The following ERICH1 variants were observed in gnomAD, a reference collection of about 807,000 sequenced individuals.
ERICH1 encodes glutamate-rich protein 1.
A neutral mutation model predicts 39.6 loss-of-function variants in ERICH1; 56 were observed. The ratio of observed to expected loss-of-function variants is 1.41; its 90% confidence interval spans 1.14 to 1.77. The LOEUF is 1.77. ERICH1 is among the 40% of genes most tolerant of loss of function. The pLI, the probability that ERICH1 is intolerant of heterozygous loss-of-function variation, is 0.00. For synonymous variants in ERICH1, 313 were observed against 223.6 expected (o/e 1.40, Z -3.57); for missense variants, 826 against 575.4 (o/e 1.44, Z -4.45).
At chr8:705,811 G>A (rs960108367) in intron 2 of ERICH1, among the ~76,000 whole-genome samples, 3 of 152,212 alleles carry the variant, frequency 2.0e-5, no homozygotes, top group Non-Finnish European at 4.4e-5. Flanking sequence ...CTTGCACAGT[G>A]ATGTACCACA....
intron 4 of ERICH1, among the ~76,000 whole-genome samples, chr8:669,659 G>A (rs1284422057): frequency 6.6e-6 from 1 of 152,334 alleles, no homozygotes; most frequent in South Asian, 2.1e-4. Context: ...ACGACTCAGG[G>A]CTACGAACAG....
At chr8:633,319 G>A (rs763957128) in intron 3 of ERICH1, among the ~76,000 whole-genome samples, 5 of 152,146 alleles carry the variant, frequency 3.3e-5, no homozygotes, top group African/African-American at 2.4e-5. Context: ...AAATGAACAC[G>A]TCCGTCAGGG....
chr8:637,027 C>G (rs567161353), intron 3 of ERICH1, among the ~76,000 whole-genome samples: 2 of 152,348 alleles, frequency 1.3e-5, no homozygotes, highest in East Asian at 3.9e-4. Context: ...CCGAAGGCGT[C>G]CAAACCAGCT....
At chr8:661,937 G>GCAGGGATTCTGTGGAACCTA (rs576441571), downstream of ERICH1, among the ~76,000 whole-genome samples, 1 of 152,064 alleles carries the variant, frequency 6.6e-6, no homozygotes, top group Non-Finnish European at 1.5e-5. Flanking sequence ...CCCCGCAGTG[G>GCAGGGATTCTGTGGAACCTA]CAGGGATTCT....
chr8:674,783 G>A (rs770467775), intron 3 of ERICH1, among the ~76,000 whole-genome samples: 4 of 152,230 alleles, frequency 2.6e-5, no homozygotes, highest in Non-Finnish European at 5.9e-5. Flanking sequence ...GTCAGCATCA[G>A]GTTGCGTTTT....
chr8:668,525 T>G, intron 5 of ERICH1, 73 bp downstream of exon 5: 3 of 1,535,598 alleles, frequency 2.0e-6, no homozygotes, highest in Non-Finnish European at 2.7e-6. Context: ...TTTGGTGGCG[T>G]GTAAGTCTTT....
intron 3 of ERICH1, among the ~76,000 whole-genome samples, chr8:655,489 G>T (rs1294388874): frequency 6.6e-6 from 1 of 152,214 alleles, no homozygotes; most frequent in Non-Finnish European, 1.5e-5. Context: ...TGGTGCACCA[G>T]CACCTGCCCT....
At chr8:617,025 A>C (rs56143140) in intron 3 of ERICH1, among the ~76,000 whole-genome samples, 95,827 of 121,188 alleles carry the variant, frequency 0.79, 39,850 homozygotes, top group East Asian at 0.99. Flanking sequence ...AGGAAGAAAA[A>C]CGATTCAGGA....
intron 5 of ERICH1, chr8:666,665 T>C (rs1669615): frequency 0.91 from 138,205 of 152,634 alleles, 62,680 homozygotes; most frequent in South Asian, 0.95. Context: ...CTCCGGGCCT[T>C]ATGGCCCTCT....
At chr8:653,817 G>A (rs1800274172) in intron 3 of ERICH1, among the ~76,000 whole-genome samples, 1 of 151,644 alleles carries the variant, frequency 6.6e-6, no homozygotes, top group Admixed American at 6.6e-5. Flanking sequence ...CTCCGGAGGG[G>A]TTGGAGCCAC....
At chr8:698,914 T>G (rs1811018995) in intron 2 of ERICH1, among the ~76,000 whole-genome samples, 1 of 151,754 alleles carries the variant, frequency 6.6e-6, no homozygotes, top group South Asian at 2.1e-4. Flanking sequence ...TTTTTTTTTT[T>G]TTTAACCAGG....
chr8:682,797 T>G (rs1278878948), intron 3 of ERICH1, among the ~76,000 whole-genome samples: 2 of 152,232 alleles, frequency 1.3e-5, no homozygotes, highest in Non-Finnish European at 2.9e-5. Context: ...TTCTCACAGC[T>G]GCACCTTCTT....
intron 2 of ERICH1, among the ~76,000 whole-genome samples, chr8:699,210 G>A (rs1236311476): frequency 1.3e-5 from 2 of 152,104 alleles, no homozygotes; most frequent in African/African-American, 4.8e-5. Context: ...GATACGAGAT[G>A]TGTAAGGCTG....
At chr8:630,889 A>G (rs1413337791) in intron 3 of ERICH1, among the ~76,000 whole-genome samples, 1 of 144,728 alleles carries the variant, frequency 6.9e-6, no homozygotes, top group Non-Finnish European at 1.5e-5. Flanking sequence ...GTGACCACCC[A>G]CAGACAGAGC....
At chr8:663,549 G>A (rs77589897), downstream of ERICH1, among the ~76,000 whole-genome samples, 2 of 93,180 alleles carry the variant, frequency 2.1e-5, no homozygotes, top group Middle Eastern at 6.0e-3. Context: ...CAGGACAGGC[G>A]GGACAGGGCA....
chr8:692,830 C>A (rs778359160), intron 2 of ERICH1, among the ~76,000 whole-genome samples: 1 of 152,228 alleles, frequency 6.6e-6, no homozygotes, highest in Non-Finnish European at 1.5e-5. Flanking sequence ...GAAAAAGGAA[C>A]TGCCCATGAT....
At chr8:667,050 G>A (rs1802365111) in intron 5 of ERICH1, 1 of 152,894 alleles carries the variant, frequency 6.5e-6, no homozygotes, top group Admixed American at 6.5e-5. Context: ...CCCCAGACTG[G>A]TCTCCATTCT....
In ERICH1 at chr8:673,834, C is replaced by T; in HGVS notation, c.518G>A (p.Arg173Lys). The T allele has an allele frequency of 6.2e-7, 1 of 1,614,112 alleles. No individual in the cohort carries two copies. Among genetic ancestry groups the T allele is most frequent in the South Asian group, 1.1e-5 (1 of 91,088 alleles). Residue 173 changes from arginine to lysine, a missense_variant, in exon 4 of 6, where the codon AGG becomes AAG. Coordinates refer to ENST00000262109, the MANE Select transcript of ERICH1 (RefSeq NM_207332.3). ...RKLKKKQQIK[R>K]KKAAGLAAKA... is the part of the protein sequence containing the mutation. Reference sequence around the variant, plus strand: ...TGCTGCCAAGCCGGCTGCTTTCTTCCTTTTAATTTGCTGTTTCTTTTTCAG... The same window carrying T: ...TGCTGCCAAGCCGGCTGCTTTCTTCTTTTTAATTTGCTGTTTCTTTTTCAG...
intron 3 of ERICH1, among the ~76,000 whole-genome samples, chr8:686,403 A>G (rs1431908579): frequency 6.6e-6 from 1 of 152,220 alleles, no homozygotes; most frequent in African/African-American, 2.4e-5. Context: ...ATAAATGGCA[A>G]TAAGAACAAA....
Sources: allele counts gnomAD v4.1 joint callset (sites outside exome capture counted in the v4.1 genomes callset), GRCh38; gene constraint gnomAD v4.1.1; transcripts MANE v1.5; gene names NCBI Gene and HGNC (gene_info 2026-07-23, HGNC 2026-07-21).